Variants in ST8SIA2 observed in about 807,000 individuals in gnomAD.
ST8SIA2 encodes ST8 alpha-N-acetyl-neuraminide alpha-2,8-sialyltransferase 2, also known as alpha-2,8-sialyltransferase 8B.
ST8SIA2 carries 22 observed loss-of-function variants against 37.6 expected under a neutral mutation model. The ratio of observed to expected loss-of-function variants is 0.58; its 90% CI spans 0.42 to 0.83. The LOEUF (loss-of-function observed/expected upper bound fraction) is 0.83. Ranked by LOEUF, ST8SIA2 falls within the 40% of genes least tolerant of loss-of-function variation. The pLI is 0.00. For synonymous variants in ST8SIA2, 205 were observed against 201.2 expected (o/e 1.02, Z -0.16); for missense variants, 382 against 484.7 (o/e 0.79, Z 1.99).
chr15:92,447,348 T>A (rs945418457), intron 5 of ST8SIA2, among the ~76,000 whole-genome samples: 20 of 152,198 alleles, frequency 1.3e-4, no homozygotes, highest in African/African-American at 4.3e-4. Flanking sequence ...CATGCATGTT[T>A]GGGGGCATTG....
chr15:92,410,989 C>G (rs549942710), intron 1 of ST8SIA2, among the ~76,000 whole-genome samples: 1 of 152,278 alleles, frequency 6.6e-6, no homozygotes, highest in South Asian at 2.1e-4. Context: ...GCGGCTGCCA[C>G]AGACTCTGGC....
intron 1 of ST8SIA2, among the ~76,000 whole-genome samples, chr15:92,404,501 T>G (rs1287611885): frequency 6.6e-6 from 1 of 150,574 alleles, no homozygotes; most frequent in Non-Finnish European, 1.5e-5. Context: ...GTCCAGCAAT[T>G]CCACTTCTGG....
chr15:92,423,862 T>G (rs2049655081), intron 1 of ST8SIA2, among the ~76,000 whole-genome samples: 1 of 152,238 alleles, frequency 6.6e-6, no homozygotes, highest in Non-Finnish European at 1.5e-5. Context: ...ATACGTATTT[T>G]ACCACGATTT....
At chr15:92,405,535 G>C (rs1215063368) in intron 1 of ST8SIA2, among the ~76,000 whole-genome samples, 3 of 151,764 alleles carry the variant, frequency 2.0e-5, no homozygotes, top group African/African-American at 7.2e-5. Flanking sequence ...AGCCAGAAGA[G>C]TGCCTGGCAG....
rs1427742894 is a variant in ST8SIA2 at position 92,466,182 on chromosome 15, CT to C, written c.*1799del. ...AAGGTGATATATCTCTGCATTTTCC[CT>C]TGTTGTTGCTTGAAGTCTGTGATTG... On this transcript the variant is annotated 3_prime_UTR_variant, in exon 6 of 6. Transcript: ENST00000268164. 2.0e-5 allele frequency: 3 copies of C among 152,262 alleles called. No homozygotes were observed. The East Asian group carries it at 5.8e-4, about 29-fold the overall frequency. The allele number at this position is 152,262 out of a possible 1,614,324, so 9.4% of individuals were successfully genotyped here.
At chr15:92,435,770 C>T (rs1314836024) in intron 3 of ST8SIA2, among the ~76,000 whole-genome samples, 1 of 152,158 alleles carries the variant, frequency 6.6e-6, no homozygotes, top group African/African-American at 2.4e-5. Flanking sequence ...GGCCCTCCAT[C>T]CCCCTCACGA....
chr15:92,407,940 G>A (rs1431717642), intron 1 of ST8SIA2, among the ~76,000 whole-genome samples: 3 of 152,140 alleles, frequency 2.0e-5, no homozygotes, highest in African/African-American at 7.2e-5. Context: ...AACGCATGAA[G>A]GTAGACCCGG....
At chr15:92,459,790 G>C (rs777154208) in intron 5 of ST8SIA2, among the ~76,000 whole-genome samples, 1 of 152,098 alleles carries the variant, frequency 6.6e-6, no homozygotes, top group Non-Finnish European at 1.5e-5. Context: ...GTAGAGACGG[G>C]GTTTCACCAT....
At chr15:92,438,007 A>G (rs987037243) in intron 3 of ST8SIA2, among the ~76,000 whole-genome samples, 14 of 152,304 alleles carry the variant, frequency 9.2e-5, no homozygotes, top group African/African-American at 3.4e-4. Context: ...CGAGCCAGGC[A>G]GTCCTGGGGA....
chr15:92,444,921 C>T lies in ST8SIA2; in HGVS notation c.834C>T (p.Ala278=), dbSNP rs748266986. The T allele has an allele frequency of 3.8e-5, 61 of 1,611,098 alleles. 1 individual carries two copies. In the East Asian group the frequency reaches 1.2e-3, roughly 33 times the overall value. The part of the protein sequence containing the change: ...TAYPSLRLLH[A]VRGYWLTNKV... ...ACCCCTCGCTGCGCCTGCTGCACGCCGTTCGCGGGTGAGCGGCCTCCCTAC... is the reference window on the plus strand; with the variant it reads ...ACCCCTCGCTGCGCCTGCTGCACGCTGTTCGCGGGTGAGCGGCCTCCCTAC... The change falls in exon 5 of 6, where the codon GCC becomes GCT. Residue 278 remains alanine (A), a synonymous_variant. Transcript: ENST00000268164.
At chr15:92,435,506 C>T (rs2049750131) in intron 3 of ST8SIA2, among the ~76,000 whole-genome samples, 1 of 152,058 alleles carries the variant, frequency 6.6e-6, no homozygotes, top group South Asian at 2.1e-4. Context: ...CAGGCCATAC[C>T]ATGGGGAGAG....
chr15:92,403,953 G>A (rs946325383), intron 1 of ST8SIA2, among the ~76,000 whole-genome samples: 1 of 152,234 alleles, frequency 6.6e-6, no homozygotes, highest in Non-Finnish European at 1.5e-5. Flanking sequence ...CACAAAGGCA[G>A]CAACGTGCTG....
At position 92,444,927 on chromosome 15, in the gene ST8SIA2, C is replaced by T. The variant is rs541352424; in HGVS notation, c.840C>T (p.Arg280=). ...CGCTGCGCCTGCTGCACGCCGTTCG[C>T]GGGTGAGCGGCCTCCCTACAGGCCA... The part of the protein sequence containing the change: ...YPSLRLLHAV[R]GYWLTNKVHI... The change falls in exon 5 of 6, where the codon CGC becomes CGT. Residue 280 remains arginine (R), a splice_region_variant and synonymous_variant. Coordinates refer to ENST00000268164, the MANE Select transcript of ST8SIA2 (RefSeq NM_006011.4). The T allele has an allele frequency of 1.2e-5, 20 of 1,609,944 alleles. 1 individual carries two copies. The highest frequency in any genetic ancestry group is 3.5e-4 in the Middle Eastern group (2 of 5,762).
chr15:92,395,696 G>A (rs1307513462), intron 1 of ST8SIA2, among the ~76,000 whole-genome samples: 2 of 152,204 alleles, frequency 1.3e-5, no homozygotes, highest in Non-Finnish European at 2.9e-5. Flanking sequence ...GGCAAGTCAC[G>A]TCTTGGGGTA....
intron 1 of ST8SIA2, among the ~76,000 whole-genome samples, chr15:92,426,860 A>G (rs1194296667): frequency 1.4e-4 from 21 of 152,204 alleles, no homozygotes; most frequent in Admixed American, 1.4e-3. Flanking sequence ...AAGCCAAGGC[A>G]GGCAGATCAT....
intron 3 of ST8SIA2, among the ~76,000 whole-genome samples, chr15:92,437,653 C>T (rs1227303259): frequency 6.6e-6 from 1 of 151,932 alleles, no homozygotes; most frequent in Non-Finnish European, 1.5e-5. Context: ...CTCGGTGTCT[C>T]AAAGGCAGAA....
rs2049704369 is a variant in ST8SIA2 at position 92,430,091 on chromosome 15, C to T, written c.141C>T (p.Ser47=). ...GTACAATCAGATCAGCTGTGAACAG[C>T]TTACATAGCAAATCTAATAGGTTTG... ...GRGTIRSAVN[S]LHSKSNRAEV... is the part of the protein sequence containing the mutation. The change falls in exon 2 of 6, where the codon AGC becomes AGT. Residue 47 remains serine (S), a synonymous_variant. Transcript: ENST00000268164. 2 of 1,614,144 alleles carry T rather than the reference C, an allele frequency of 1.2e-6. No homozygotes were observed. Among genetic ancestry groups the T allele is most frequent in the East Asian group, 2.2e-5 (1 of 44,888 alleles).
intron 1 of ST8SIA2, chr15:92,422,122 AG>A (rs1232553767): frequency 6.6e-6 from 1 of 152,152 alleles, no homozygotes; most frequent in African/African-American, 2.4e-5. Context: ...CTTTGGAAAA[AG>A]TTTGCTGACT....
intron 2 of ST8SIA2, among the ~76,000 whole-genome samples, chr15:92,430,607 T>C (rs543167493): frequency 5.9e-5 from 9 of 152,344 alleles, no homozygotes; most frequent in Non-Finnish European, 5.9e-5. Context: ...TGAAAGAGTG[T>C]TTCTACTTCA....
Sources: allele counts gnomAD v4.1 joint callset (sites outside exome capture counted in the v4.1 genomes callset), GRCh38; gene constraint gnomAD v4.1.1; transcripts MANE v1.5; gene names NCBI Gene and HGNC (gene_info 2026-07-23, HGNC 2026-07-21).